Variants in ZC3H11A observed in about 807,000 individuals in gnomAD.
The protein encoded by ZC3H11A is zinc finger CCCH-type containing 11A, also known as zinc finger CCCH domain-containing protein 11A.
ZC3H11A carries 22 observed loss-of-function variants against 90.8 expected under a neutral mutation model. The observed-to-expected ratio is 0.24, with a 90% CI of 0.17 to 0.35. The LOEUF (loss-of-function observed/expected upper bound fraction) is 0.35, where lower values mean the gene tolerates loss of function less well. Ranked by LOEUF, ZC3H11A falls within the 10% of genes least tolerant of loss-of-function variation. The probability of loss-of-function intolerance (pLI) is 1.00; values close to 1 mark genes in which losing one functional copy is unlikely to be tolerated. For missense variants in ZC3H11A, 701 were observed against 964.9 expected (o/e 0.73, Z 3.62); for synonymous variants, 294 against 339.8 (o/e 0.87, Z 1.48).
At chr1:203,829,967 T>C in intron 7 of ZC3H11A, 71 bp downstream of exon 7, 3 of 1,434,716 alleles carry the variant, frequency 2.1e-6, no homozygotes, top group Non-Finnish European at 2.9e-6. Context: ...TTCACAATCA[T>C]TGACCTCCCT....
In ZC3H11A at chr1:203,801,317, C is replaced by G. The variant is rs1294420181; in HGVS notation, c.-1587-258C>G. On this transcript the variant is annotated intron_variant, in intron 1 of 17. Transcript: ENST00000367210. ...CTTTTTAAAAACATACTTAATGACC[C>G]ATTATACTGTATTAACTGTGCGGTT... 8 of 152,210 alleles carry G rather than the reference C, an allele frequency of 5.3e-5. No individual in the cohort carries two copies. The East Asian group carries it at 1.5e-3, about 29-fold the overall frequency. The allele number at this position is 152,210 out of a possible 1,614,324, so 9.4% of individuals were successfully genotyped here.
chr1:203,850,087 T>C, intron 15 of ZC3H11A, 61 bp downstream of exon 15: 1 of 1,512,866 alleles, frequency 6.6e-7, no homozygotes, highest in East Asian at 2.3e-5. Flanking sequence ...TCAACCCAAT[T>C]GTTGCCAGTA....
chr1:203,807,036 A>T (rs1672645167), intron 2 of ZC3H11A, among the ~76,000 whole-genome samples: 1 of 151,440 alleles, frequency 6.6e-6, no homozygotes. Context: ...TTGATTATGT[A>T]GTGTTATTTA....
chr1:203,849,455 A>G (rs930375657), intron 14 of ZC3H11A, among the ~76,000 whole-genome samples: 4 of 152,200 alleles, frequency 2.6e-5, no homozygotes, highest in African/African-American at 9.7e-5. Flanking sequence ...TTGATTATTT[A>G]GGAATCATTA....
Position 203,819,282 on chromosome 1 carries a change from C to T in ZC3H11A, c.174+593C>T, listed in dbSNP as rs1469339990. Among the ~76,000 whole-genome samples the T allele has an allele frequency of 5.4e-5, 8 of 147,434 alleles. No individual in the cohort carries two copies. In the South Asian group the frequency reaches 6.4e-4, roughly 12 times the overall value. On this transcript the variant is annotated intron_variant, in intron 4 of 17. Transcript: ENST00000367210. Reference sequence around the variant, plus strand: ...TGTCGCCCACGCTGGAGTGCAGTGGCGCAATCTCTGCTTACTGCAACCTCC... The same window carrying T: ...TGTCGCCCACGCTGGAGTGCAGTGGTGCAATCTCTGCTTACTGCAACCTCC...
intron 2 of ZC3H11A, among the ~76,000 whole-genome samples, chr1:203,804,776 G>A (rs1168762959): frequency 6.6e-6 from 1 of 150,656 alleles, no homozygotes; most frequent in African/African-American, 2.4e-5. Flanking sequence ...AGGTTCAAGT[G>A]ATTCTTCTGT....
At position 203,852,309 on chromosome 1, in the gene ZC3H11A, A is replaced by T. The variant is rs747326904; in HGVS notation, c.2343A>T (p.Ser781=). The change falls in exon 18 of 18, where the codon TCA becomes TCT. Residue 781 remains serine (S), a synonymous_variant. Coordinates refer to ENST00000367210, the MANE Select transcript of ZC3H11A (RefSeq NM_001376342.1). Reference sequence around the variant, plus strand: ...TTGAGAAACTAATATGGGAGATTTCAGGAGGCAAATTGGAAGCTGAGATTG... The same window carrying T: ...TTGAGAAACTAATATGGGAGATTTCTGGAGGCAAATTGGAAGCTGAGATTG... The part of the protein sequence containing the change: ...DDFEKLIWEI[S]GGKLEAEIDL... 2 of 1,613,726 alleles carry T rather than the reference A, an allele frequency of 1.2e-6. No individual in the cohort carries two copies. The highest frequency in any genetic ancestry group is 1.7e-6 in the Non-Finnish European group (2 of 1,179,858).
At chr1:203,837,554 C>T (rs1327321378) in intron 10 of ZC3H11A, among the ~76,000 whole-genome samples, 1 of 151,506 alleles carries the variant, frequency 6.6e-6, no homozygotes, top group African/African-American at 2.4e-5. Context: ...CTCACTGTAG[C>T]CTTTCTACCT....
At chr1:203,801,395 T>G (rs1670521662) in intron 1 of ZC3H11A, 180 bp from the exon 2 acceptor site, 1 of 152,190 alleles carries the variant, frequency 6.6e-6, no homozygotes, top group African/African-American at 2.4e-5. Flanking sequence ...TTTTTATGTG[T>G]TAGGAATCAT....
chr1:203,821,353 T>C (rs1678623894), intron 4 of ZC3H11A, among the ~76,000 whole-genome samples: 2 of 152,188 alleles, frequency 1.3e-5, no homozygotes, highest in Admixed American at 6.5e-5. Context: ...GATAGTTCTT[T>C]ATAGCAATGT....
chr1:203,809,675 C>T (rs140165550), intron 2 of ZC3H11A, among the ~76,000 whole-genome samples: 3 of 148,556 alleles, frequency 2.0e-5, no homozygotes, highest in East Asian at 4.4e-4. Context: ...CCAGGTTAAC[C>T]GGGTGCGGTG....
chr1:203,799,452 G>A (rs1390895982), intron 1 of ZC3H11A: 28 of 702,944 alleles, frequency 4.0e-5, no homozygotes, highest in East Asian at 1.1e-4. Flanking sequence ...GAAGCAGGAC[G>A]AAACTGGCCA....
chr1:203,835,807 G>T, intron 10 of ZC3H11A: 1 of 241,520 alleles, frequency 4.1e-6, no homozygotes. Context: ...GTTTCATCTG[G>T]GGCATAAACA....
intron 4 of ZC3H11A, among the ~76,000 whole-genome samples, chr1:203,823,925 G>A (rs920641068): frequency 2.6e-5 from 4 of 152,192 alleles, no homozygotes; most frequent in Middle Eastern, 3.4e-3. Flanking sequence ...GAAATAATCA[G>A]GATATATTGT....
At chr1:203,815,211 C>CTTTTCTT (rs1553261488) in intron 2 of ZC3H11A, among the ~76,000 whole-genome samples, 1 of 59,402 alleles carries the variant, frequency 1.7e-5, no homozygotes, top group African/African-American at 4.8e-5. Context: ...TCTTCCTTTT[C>CTTTTCTT]TTTTCTTTTT....
Position 203,829,830 on chromosome 1 carries a change from A to G in ZC3H11A, c.553A>G (p.Thr185Ala), listed in dbSNP as rs183337855. The G allele has an allele frequency of 1.1e-5, 18 of 1,614,118 alleles. No individual in the cohort carries two copies. The East Asian group carries it at 3.1e-4, about 28-fold the overall frequency. ...AACCAAAACACCTACCCTGCAACCAACTCCTGAAGTTCACAATGGATTACG... is the reference window on the plus strand; with the variant it reads ...AACCAAAACACCTACCCTGCAACCAGCTCCTGAAGTTCACAATGGATTACG... ...DETKTPTLQP[T>A]PEVHNGLRVT... The change falls in exon 7 of 18, where the codon ACT becomes GCT. Residue 185 changes from threonine (T) to alanine (A), a missense_variant. By Grantham distance (58) the Thr-to-Ala change is moderately conservative. This residue lies in a region of ZC3H11A where 530 missense variants were observed against 696.2 expected (regional missense o/e 0.76). Coordinates refer to ENST00000367210, the MANE Select transcript of ZC3H11A (RefSeq NM_001376342.1).
chr1:203,829,248 T>G (rs1184081415), intron 5 of ZC3H11A: 3 of 602,740 alleles, frequency 5.0e-6, no homozygotes, highest in Non-Finnish European at 5.9e-6. Flanking sequence ...ACTTTGTGTT[T>G]ATGTACAGTG....
intron 12 of ZC3H11A, among the ~76,000 whole-genome samples, chr1:203,842,284 G>A (rs867655607): frequency 6.6e-6 from 1 of 152,152 alleles, no homozygotes; most frequent in East Asian, 1.9e-4. Flanking sequence ...CCGAGATCAC[G>A]CCACTGCACT....
rs578077814 is a variant in ZC3H11A at position 203,795,785 on chromosome 1, C to A, written c.-1597C>A. On this transcript the variant is annotated 5_prime_UTR_variant, in exon 1 of 18. The change creates a new upstream start codon in the 5' untranslated region. Transcript: ENST00000367210. ...TAGTGTCATCGGTTCGGTAAAGTTT[C>A]TGTTCTCTGGTAACTAGACCCGTTT... 9.0e-4 allele frequency: 137 copies of A among 152,248 alleles called. No individual in the cohort carries two copies. Among genetic ancestry groups the A allele is most frequent in the African/African-American group, 3.0e-3 (124 of 41,548 alleles). The allele number at this position is 152,248 out of a possible 1,614,324, so 9.4% of individuals were successfully genotyped here. A position where few individuals can be genotyped will look rare whatever the true frequency, so the allele number is the denominator to read the frequency against.
Sources: allele counts gnomAD v4.1 joint callset (sites outside exome capture counted in the v4.1 genomes callset), GRCh38; gene constraint gnomAD v4.1.1; regional missense constraint gnomAD v4.1.1; transcripts MANE v1.5; gene names NCBI Gene and HGNC (gene_info 2026-07-23, HGNC 2026-07-21).